RBM26: variants seen among roughly 807,000 people sequenced by gnomAD.
RBM26 encodes RNA binding motif protein 26.
In RBM26, 30 loss-of-function variants were observed where a neutral mutation model predicts 123.6. That is an observed-to-expected ratio of 0.24 (90% confidence interval 0.18 to 0.33). RBM26 has a LOEUF of 0.33. RBM26 is among the 10% of genes least tolerant of loss of function. RBM26 has a pLI of 1.00. For missense variants in RBM26, 947 were observed against 1,203.6 expected, an observed-to-expected ratio of 0.79 and a Z score of 3.15; for synonymous variants, 400 against 404.4, an observed-to-expected ratio of 0.99 and a Z score of 0.13.
At chr13:79,393,733 T>C (rs998172157) in intron 1 of RBM26, among the ~76,000 whole-genome samples, 1 of 151,742 alleles carries the variant, frequency 6.6e-6, no homozygotes, top group Non-Finnish European at 1.5e-5. Context: ...CTTGTGGGGG[T>C]GGGAAGGACC....
At chr13:79,365,874 TAAAA>T (rs1453608483) in intron 8 of RBM26, 156 bp from the exon 9 acceptor site, 1 of 954,786 alleles carries the variant, frequency 1.0e-6, no homozygotes, top group Non-Finnish European at 1.5e-6. Context: ...AAAAAGTTAT[TAAAA>T]AGAAAATGTT....
chr13:79,384,703 G>C (rs1035159963), intron 1 of RBM26, among the ~76,000 whole-genome samples: 7 of 152,122 alleles, frequency 4.6e-5, no homozygotes, highest in Admixed American at 1.3e-4. Context: ...TAAAGTTACA[G>C]AAGCCAAATT....
At chr13:79,313,308 T>A (rs2066952061) in exon 5 of RBM26, 1 of 151,840 alleles carries the variant, frequency 6.6e-6, no homozygotes, top group Admixed American at 6.6e-5. Flanking sequence ...GAGAATCAAG[T>A]CATCTTGAAT....
chr13:79,336,428 A>C (rs965713533), intron 19 of RBM26, among the ~76,000 whole-genome samples: 1 of 152,188 alleles, frequency 6.6e-6, no homozygotes, highest in Non-Finnish European at 1.5e-5. Context: ...TATAATGCTG[A>C]GGGTAAAACT....
rs541962310 is a variant in RBM26 at position 79,368,619 on chromosome 13, T to C, written c.895+111A>G. 8.7e-5 allele frequency: 90 copies of C among 1,032,234 alleles called. No individual in the cohort carries two copies. The South Asian group carries it at 1.4e-3, about 17-fold the overall frequency. 63.9% of individuals were successfully genotyped at this position (1,032,234 alleles called of 1,614,324 possible). A position where few individuals can be genotyped will look rare whatever the true frequency, so the allele number is the denominator to read the frequency against. On this transcript the variant is annotated intron_variant, in intron 6 of 21. Coordinates refer to ENST00000438737, the MANE Select transcript of RBM26 (RefSeq NM_001366735.2). ...GAATTCAAAAAGTGACTAAGGCTAA[T>C]TTCCCACTTTTCAGAGGTAAGTCTT...
Position 79,344,270 on chromosome 13 carries a change from T to A in RBM26, c.2237A>T (p.Glu746Val). ...DVRKRKQEIL[E>V]KHIETQKMLI... is the part of the protein sequence containing the mutation. The stretch of plus-strand genomic sequence containing the variant: ...TACCTTCTGTGTTTCAATGTGCTTT[T>A]CTAAAATTTCTTGTTTCCTTTTCCT... Residue 746 changes from glutamate (E) to valine (V), a missense_variant, in exon 16 of 22, where the codon GAA becomes GTA. Physicochemically the swap from Glu to Val is moderately radical, Grantham distance 121. This residue lies in a region of RBM26 where 493 missense variants were observed against 563.1 expected (regional missense o/e 0.88). Coordinates refer to ENST00000438737, the MANE Select transcript of RBM26 (RefSeq NM_001366735.2). 1 of 1,610,492 alleles carries A rather than the reference T, an allele frequency of 6.2e-7. No homozygotes were observed. The highest frequency in any genetic ancestry group is 8.5e-7 in the Non-Finnish European group (1 of 1,177,032).
chr13:79,387,542 T>G (rs1041038423), intron 1 of RBM26, among the ~76,000 whole-genome samples: 1 of 144,200 alleles, frequency 6.9e-6, no homozygotes, highest in Non-Finnish European at 1.5e-5. Context: ...TTTATTTCTC[T>G]AGGCTTTAGT....
At chr13:79,378,464 G>A (rs2140229020) in intron 2 of RBM26, among the ~76,000 whole-genome samples, 1 of 152,042 alleles carries the variant, frequency 6.6e-6, no homozygotes. Flanking sequence ...TTTTTGAGAT[G>A]AGTCTCACTT....
intron 18 of RBM26, among the ~76,000 whole-genome samples, chr13:79,338,774 A>G (rs1160687689): frequency 6.6e-6 from 1 of 152,254 alleles, no homozygotes; most frequent in Non-Finnish European, 1.5e-5. Context: ...TGCCACTACA[A>G]AAGACCTGAA....
chr13:79,360,609 T>C (rs1195150946), intron 9 of RBM26, among the ~76,000 whole-genome samples: 2 of 152,072 alleles, frequency 1.3e-5, no homozygotes, highest in South Asian at 2.1e-4. Flanking sequence ...AATCCAATAA[T>C]CTTTGAGAAG....
At chr13:79,336,661 G>A (rs1247009479) in intron 19 of RBM26, among the ~76,000 whole-genome samples, 1 of 152,038 alleles carries the variant, frequency 6.6e-6, no homozygotes, top group South Asian at 2.1e-4. Context: ...TGACACTGAC[G>A]GAGGCAACTT....
At chr13:79,331,690 G>T (rs2069440395) in intron 20 of RBM26, among the ~76,000 whole-genome samples, 2 of 151,652 alleles carry the variant, frequency 1.3e-5, no homozygotes, top group Admixed American at 1.3e-4. Flanking sequence ...TTTCATTTTT[G>T]TTCTGATTCT....
chr13:79,322,796 A>G (rs2067835522), intron 20 of RBM26, among the ~76,000 whole-genome samples: 1 of 151,548 alleles, frequency 6.6e-6, no homozygotes, highest in African/African-American at 2.4e-5. Context: ...CACAATGACA[A>G]CTGCTGTTTA....
chr13:79,334,576 G>A (rs1353181189), intron 19 of RBM26, 146 bp from the exon 20 acceptor site: 1 of 466,974 alleles, frequency 2.1e-6, no homozygotes, highest in East Asian at 3.9e-5. Flanking sequence ...AGTATGGTGA[G>A]TAATTTATTT....
At chr13:79,394,199 G>C (rs2078354630) in intron 1 of RBM26, among the ~76,000 whole-genome samples, 1 of 152,328 alleles carries the variant, frequency 6.6e-6, no homozygotes, top group Admixed American at 6.5e-5. Context: ...CGCTCTGCTA[G>C]CTCCTTACGA....
chr13:79,371,746 T>C lies in RBM26; in HGVS notation c.416+96A>G, dbSNP rs556107983. ...TCCTAGACCAATAAAAGAGTAGATA[T>C]TACTTGCCTCTGCGTAAAAGATAAC... On this transcript the variant is annotated intron_variant, in intron 4 of 21. Transcript: ENST00000438737. 27 of 809,770 alleles carry C rather than the reference T, an allele frequency of 3.3e-5. No individual in the cohort carries two copies. In the African/African-American group the frequency reaches 3.4e-4, roughly 10 times the overall value. 50.2% of individuals were successfully genotyped at this position (809,770 alleles called of 1,614,324 possible).
At position 79,325,896 on chromosome 13, in the gene RBM26, C is replaced by T. The variant is rs187029602; in HGVS notation, c.2821-3434G>A. On this transcript the variant is annotated intron_variant, in intron 20 of 21. Coordinates refer to ENST00000438737, the MANE Select transcript of RBM26 (RefSeq NM_001366735.2). Reference sequence around the variant, plus strand: ...GTATACCATGTTTTATCTTTTATACCCTATTTTTACTGTACCTTTTCTATG... The same window carrying T: ...GTATACCATGTTTTATCTTTTATACTCTATTTTTACTGTACCTTTTCTATG... Among the ~76,000 whole-genome samples, 5 of 152,138 alleles carry T rather than the reference C, an allele frequency of 3.3e-5. 1 individual carries two copies. Among genetic ancestry groups the T allele is most frequent in the East Asian group, 3.9e-4 (2 of 5,170 alleles).
chr13:79,385,871 A>T (rs1353394842), intron 1 of RBM26, among the ~76,000 whole-genome samples: 1 of 151,438 alleles, frequency 6.6e-6, no homozygotes, highest in African/African-American at 2.4e-5. Context: ...AATGCTCTCT[A>T]TGTGTGGCAA....
At position 79,337,122 on chromosome 13, in the gene RBM26, C is replaced by G; in HGVS notation, c.2713G>C (p.Asp905His). Residue 905 changes from aspartate (D) to histidine (H), a missense_variant, in exon 19 of 22, where the codon GAT (aspartate) becomes CAT (histidine). By Grantham distance (81) the Asp-to-His change is moderately conservative. This residue lies in a region of RBM26 where 164 missense variants were observed against 215.3 expected (regional missense o/e 0.76). Coordinates refer to ENST00000438737, the MANE Select transcript of RBM26 (RefSeq NM_001366735.2). ...AGTACCGCAAAATGAGGAAGAAGAT[C>G]TTCTCTATCGCTCTCCGTAAATGCA... ...ISAFTESDRE[D>H]LLPHFAQYGE... The G allele has an allele frequency of 1.2e-6, 2 of 1,613,996 alleles. No individual in the cohort carries two copies. Among genetic ancestry groups the G allele is most frequent in the Non-Finnish European group, 1.7e-6 (2 of 1,179,962 alleles).
Sources: gnomAD v4.1 joint callset for allele counts (sites outside exome capture counted in the v4.1 genomes callset) on GRCh38, gnomAD v4.1.1 for gene constraint, gnomAD v4.1.1 regional missense constraint, MANE v1.5 for transcripts, NCBI Gene and HGNC (gene_info 2026-07-23, HGNC 2026-07-21) for gene names.